The following ATP10A variants were observed in gnomAD, a reference collection of about 807,000 sequenced individuals.
The protein encoded by ATP10A is ATPase phospholipid transporting 10A (putative).
Under a neutral mutation model 147.8 loss-of-function variants are expected in ATP10A, and 111 were observed. That is an observed-to-expected ratio of 0.75 (90% CI 0.64 to 0.88). The LOEUF is 0.88. Ranked by LOEUF, ATP10A falls within the 40% of genes least tolerant of loss-of-function variation. ATP10A has a pLI of 0.00. For synonymous variants in ATP10A, 875 were observed against 841.6 expected (o/e 1.04, Z -0.69); for missense variants, 1,927 against 1,959.0 (o/e 0.98, Z 0.31).
intron 1 of ATP10A, among the ~76,000 whole-genome samples, chr15:25,807,076 A>ATG (rs1596926944): frequency 6.6e-6 from 1 of 152,018 alleles, no homozygotes; most frequent in African/African-American, 2.4e-5. Context: ...GCACAAGCGC[A>ATG]AGGAGTGAGA....
At chr15:25,815,575 T>A (rs1215765364) in intron 1 of ATP10A, among the ~76,000 whole-genome samples, 1 of 21,440 alleles carries the variant, frequency 4.7e-5, no homozygotes, top group Non-Finnish European at 1.2e-4. Flanking sequence ...AGTTGCAGAA[T>A]CCTAAAGAGC....
chr15:25,709,923 A>G (rs116895522), intron 10 of ATP10A: 1,794 of 152,072 alleles, frequency 0.012, 19 homozygotes, highest in South Asian at 0.02. Flanking sequence ...GGGGGGTAGG[A>G]GAGGATGGGA....
chr15:25,728,181 C>T (rs760699487), intron 3 of ATP10A, among the ~76,000 whole-genome samples: 2 of 152,228 alleles, frequency 1.3e-5, no homozygotes, highest in Non-Finnish European at 2.9e-5. Flanking sequence ...TGGCTCTTAG[C>T]GTCTCACCAG....
intron 2 of ATP10A, among the ~76,000 whole-genome samples, chr15:25,762,438 G>A (rs551327884): frequency 3.9e-5 from 6 of 151,938 alleles, no homozygotes; most frequent in African/African-American, 7.3e-5. Context: ...CACCACGCCC[G>A]GCAAATTCGA....
At chr15:25,744,308 C>T (rs917446525) in intron 2 of ATP10A, among the ~76,000 whole-genome samples, 1 of 152,018 alleles carries the variant, frequency 6.6e-6, no homozygotes, top group African/African-American at 2.4e-5. Context: ...ACAAAACCAG[C>T]AAAAGTCTTC....
At chr15:25,807,741 G>A (rs1891258083) in intron 1 of ATP10A, among the ~76,000 whole-genome samples, 1 of 152,038 alleles carries the variant, frequency 6.6e-6, no homozygotes, top group South Asian at 2.1e-4. Flanking sequence ...GGCAGAGGTT[G>A]CAGTGAGCTG....
At chr15:25,779,112 A>G (rs1048103686) in intron 2 of ATP10A, among the ~76,000 whole-genome samples, 8 of 152,128 alleles carry the variant, frequency 5.3e-5, no homozygotes, top group African/African-American at 1.9e-4. Context: ...ACTGACCTCA[A>G]GTGATCCACC....
At chr15:25,816,538 A>G (rs1891662364) in intron 1 of ATP10A, among the ~76,000 whole-genome samples, 1 of 152,200 alleles carries the variant, frequency 6.6e-6, no homozygotes, top group African/African-American at 2.4e-5. Flanking sequence ...ATTCTGTGCA[A>G]TTTTTAGAGA....
chr15:25,799,253 C>G (rs1384457859), intron 1 of ATP10A, among the ~76,000 whole-genome samples: 1 of 152,160 alleles, frequency 6.6e-6, no homozygotes, highest in Non-Finnish European at 1.5e-5. Flanking sequence ...CTGGGCTCTC[C>G]CCTCTCACAT....
At chr15:25,794,260 C>T (rs1890562586) in intron 1 of ATP10A, among the ~76,000 whole-genome samples, 2 of 152,122 alleles carry the variant, frequency 1.3e-5, no homozygotes, top group South Asian at 2.1e-4. Context: ...ACTCACCCTC[C>T]GATCAGTCCC....
intron 12 of ATP10A, among the ~76,000 whole-genome samples, chr15:25,706,058 CAG>C (rs1291678773): frequency 2.0e-5 from 3 of 152,186 alleles, no homozygotes; most frequent in African/African-American, 7.2e-5. Flanking sequence ...GGAAGTGGAA[CAG>C]GGGATCGGTA....
intron 1 of ATP10A, among the ~76,000 whole-genome samples, chr15:25,847,530 G>A (rs563759694): frequency 2.7e-5 from 4 of 149,792 alleles, no homozygotes; most frequent in Admixed American, 2.0e-4. Flanking sequence ...TGATCTTTGC[G>A]GGTCACGGGG....
intron 2 of ATP10A, among the ~76,000 whole-genome samples, chr15:25,773,554 A>G (rs1402708907): frequency 6.6e-6 from 1 of 152,062 alleles, no homozygotes; most frequent in Non-Finnish European, 1.5e-5. Context: ...GGTCCTCAAT[A>G]GTGAGATTGG....
intron 2 of ATP10A, among the ~76,000 whole-genome samples, chr15:25,769,410 TG>T (rs1050046373): frequency 7.9e-6 from 1 of 126,210 alleles, no homozygotes; most frequent in African/African-American, 3.1e-5. Context: ...TGCTTGAACC[TG>T]GGGGGGCGGA....
chr15:25,718,088 G>A (rs1901934196), intron 8 of ATP10A, 94 bp downstream of exon 8: 1 of 1,335,958 alleles, frequency 7.5e-7, no homozygotes, highest in Admixed American at 2.1e-5. Context: ...CAGTGTATTT[G>A]TAGGATTAAA....
At chr15:25,745,479 C>T (rs1001737517) in intron 2 of ATP10A, among the ~76,000 whole-genome samples, 17 of 152,128 alleles carry the variant, frequency 1.1e-4, no homozygotes, top group South Asian at 2.1e-4. Context: ...CCAAGCACTT[C>T]GGGAGGCCAA....
chr15:25,701,818 A>G (rs4906620), intron 13 of ATP10A, 98 bp downstream of exon 13: 1 of 1,235,124 alleles, frequency 8.1e-7, no homozygotes, highest in East Asian at 2.4e-5. Flanking sequence ...AGGTCCTTCT[A>G]ACAGCAGCTG....
chr15:25,772,046 C>T (rs989230413), intron 2 of ATP10A, among the ~76,000 whole-genome samples: 5 of 152,172 alleles, frequency 3.3e-5, no homozygotes, highest in African/African-American at 1.2e-4. Flanking sequence ...GCCATCGCGC[C>T]CGGCCTGAAA....
chr15:25,778,406 T>C (rs1344059148), intron 2 of ATP10A, among the ~76,000 whole-genome samples: 1 of 152,016 alleles, frequency 6.6e-6, no homozygotes, highest in Non-Finnish European at 1.5e-5. Context: ...CTTCCTTTAC[T>C]TTCAGTGGGG....
Sources: gnomAD v4.1 joint callset for allele counts (sites outside exome capture counted in the v4.1 genomes callset) on GRCh38, gnomAD v4.1.1 for gene constraint, MANE v1.5 for transcripts, NCBI Gene and HGNC (gene_info 2026-07-23, HGNC 2026-07-21) for gene names.